The following PRIM2 variants were observed in gnomAD, a reference collection of about 807,000 sequenced individuals.
PRIM2 encodes the protein DNA primase subunit 2.
Under a neutral mutation model 67.3 loss-of-function variants are expected in PRIM2, and 39 were observed. The observed-to-expected ratio is 0.58, with a 90% CI of 0.45 to 0.76. The LOEUF is 0.76. Among genes scored for constraint, PRIM2 ranks in the 30% least tolerant of loss-of-function variants. The pLI, the probability that PRIM2 is intolerant of heterozygous loss-of-function variation, is 0.00. For missense variants in PRIM2, 398 were observed against 598.7 expected (o/e 0.66, Z 3.50); for synonymous variants, 143 against 198.7 (o/e 0.72, Z 2.36).
intron 5 of PRIM2, among the ~76,000 whole-genome samples, chr6:57,355,268 C>T (rs1768992735): frequency 6.8e-6 from 1 of 146,466 alleles, no homozygotes; most frequent in Non-Finnish European, 1.5e-5. Context: ...TGCGCCACTG[C>T]ACTCCAGCCT....
At chr6:57,480,311 A>T (rs1297977944) in intron 7 of PRIM2, among the ~76,000 whole-genome samples, 1 of 152,204 alleles carries the variant, frequency 6.6e-6, no homozygotes, top group Admixed American at 6.5e-5. Context: ...ACAGTTTTAC[A>T]TACACAGGAA....
At chr6:57,293,495 C>G in the PRIM2 span, among the ~76,000 whole-genome samples, 1 of 152,106 alleles carries the variant, frequency 6.6e-6, no homozygotes, top group South Asian at 2.1e-4. Context: ...GGTATATACC[C>G]AAAGGATTAT....
intron 7 of PRIM2, among the ~76,000 whole-genome samples, chr6:57,421,565 T>G (rs1327676619): frequency 6.6e-6 from 1 of 152,250 alleles, no homozygotes; most frequent in Non-Finnish European, 1.5e-5. Flanking sequence ...GTGTTTTTAT[T>G]GTGAATGTGA....
chr6:57,616,980 G>A (rs1292630235), intron 12 of PRIM2, among the ~76,000 whole-genome samples: 1 of 152,158 alleles, frequency 6.6e-6, no homozygotes, highest in African/African-American at 2.4e-5. Context: ...TTGTATGTCT[G>A]TACCACATTT....
intron 7 of PRIM2, among the ~76,000 whole-genome samples, chr6:57,408,093 C>T (rs1770960133): frequency 6.6e-6 from 1 of 152,226 alleles, no homozygotes; most frequent in African/African-American, 2.4e-5. Context: ...TTTTTCCCCA[C>T]TTTGGATACG....
At chr6:57,492,542 T>TCTG (rs1554346065) in intron 7 of PRIM2, among the ~76,000 whole-genome samples, 43,037 of 146,854 alleles carry the variant, frequency 0.29, 6,367 homozygotes, top group East Asian at 0.45. Context: ...GAACTCTCTC[T>TCTG]AAAAAAAAAA....
intron 12 of PRIM2, among the ~76,000 whole-genome samples, chr6:57,630,498 G>A (rs1463293790): frequency 2.0e-5 from 3 of 151,136 alleles, no homozygotes; most frequent in African/African-American, 4.9e-5. Context: ...TTACACGTGT[G>A]GATTACCCAA....
the PRIM2 span, among the ~76,000 whole-genome samples, chr6:57,231,060 A>G: frequency 3.3e-5 from 5 of 152,344 alleles, no homozygotes; most frequent in East Asian, 9.6e-4. Context: ...TGAAATGTGT[A>G]GGTACATTTT....
chr6:57,418,864 T>C (rs1361943626), intron 7 of PRIM2, among the ~76,000 whole-genome samples: 1 of 152,130 alleles, frequency 6.6e-6, no homozygotes, highest in Non-Finnish European at 1.5e-5. Flanking sequence ...CTGATTATCT[T>C]TTGTATTGCT....
At chr6:57,435,311 T>G (rs1331690504) in intron 7 of PRIM2, 1 of 152,240 alleles carries the variant, frequency 6.6e-6, no homozygotes. Flanking sequence ...TGAGGTTTAG[T>G]AGGACTCCGG....
At chr6:57,615,413 T>C (rs1251968381) in intron 12 of PRIM2, among the ~76,000 whole-genome samples, 2 of 129,988 alleles carry the variant, frequency 1.5e-5, no homozygotes, top group Non-Finnish European at 3.2e-5. Flanking sequence ...AGAGTGAGAT[T>C]CTGTCTCAAA....
chr6:57,462,751 G>A (rs72875431), intron 7 of PRIM2, among the ~76,000 whole-genome samples: 1 of 152,150 alleles, frequency 6.6e-6, no homozygotes. Context: ...CCCAGTTGCT[G>A]TAGAAGTTTT....
intron 7 of PRIM2, among the ~76,000 whole-genome samples, chr6:57,426,256 G>A (rs368727649): frequency 2.2e-4 from 34 of 152,086 alleles, no homozygotes; most frequent in African/African-American, 7.7e-4. Context: ...CAAACTCTCC[G>A]TCCCAAGCAA....
chr6:57,255,416 T>C, the PRIM2 span, among the ~76,000 whole-genome samples: 1 of 150,310 alleles, frequency 6.7e-6, no homozygotes, highest in Non-Finnish European at 1.5e-5. Context: ...GAGAATGGCG[T>C]GAACCCGGGA....
At chr6:57,497,286 G>C (rs1774026005) in intron 7 of PRIM2, among the ~76,000 whole-genome samples, 1 of 152,174 alleles carries the variant, frequency 6.6e-6, no homozygotes, top group Non-Finnish European at 1.5e-5. Context: ...GAGCCTCAGA[G>C]ATAATATCCA....
At chr6:57,558,114 G>C (rs1581989245) in intron 10 of PRIM2, among the ~76,000 whole-genome samples, 2 of 152,140 alleles carry the variant, frequency 1.3e-5, no homozygotes, top group African/African-American at 4.8e-5. Context: ...GGTTAAGTCA[G>C]CCTCTCTGGA....
chr6:57,251,555 GATTTCCTTTGGTTCTATT>G, the PRIM2 span, among the ~76,000 whole-genome samples: 2 of 152,148 alleles, frequency 1.3e-5, no homozygotes, highest in South Asian at 2.1e-4. Context: ...TGGATCAGAT[GATTTCCTTTGGTTCTATT>G]AACTGACATG....
Position 57,348,741 on chromosome 6 carries a change from C to T in PRIM2, c.459+22696C>T, listed in dbSNP as rs1310339169. Among the ~76,000 whole-genome samples, 13 of 135,256 alleles carry T rather than the reference C, an allele frequency of 9.6e-5. No homozygotes were observed. In the South Asian group the frequency reaches 1.7e-3, roughly 18 times the overall value. 88.7% of individuals were successfully genotyped at this position (135,256 alleles called of 152,430 possible). On this transcript the variant is annotated intron_variant, in intron 5 of 13. Coordinates refer to ENST00000615550, the MANE Select transcript of PRIM2 (RefSeq NM_000947.5). ...CAACCACAGATTTTCCCACATCCTT[C>T]CTGCCCTTTTTTTTTTTTTTTTTTT...
At chr6:57,297,092 A>AT in the PRIM2 span, among the ~76,000 whole-genome samples, 1 of 152,222 alleles carries the variant, frequency 6.6e-6, no homozygotes, top group Non-Finnish European at 1.5e-5. Flanking sequence ...AGAGGGGAAC[A>AT]TGCTCTCTTT....
Sources: allele counts gnomAD v4.1 joint callset (sites outside exome capture counted in the v4.1 genomes callset), GRCh38; gene constraint gnomAD v4.1.1; transcripts MANE v1.5; gene names NCBI Gene and HGNC (gene_info 2026-07-23, HGNC 2026-07-21).